WWP1: variants seen among roughly 807,000 people sequenced by gnomAD.
WWP1 encodes NEDD4-like E3 ubiquitin-protein ligase WWP1.
A neutral mutation model predicts 130.6 loss-of-function variants in WWP1; 49 were observed. The observed-to-expected ratio is 0.38, with a 90% CI of 0.30 to 0.48. The LOEUF (loss-of-function observed/expected upper bound fraction) is 0.48, where lower values mean the gene tolerates loss of function less well. Among genes scored for constraint, WWP1 ranks in the 20% least tolerant of loss-of-function variants. The pLI is 0.99. For missense variants in WWP1, 809 were observed against 1,100.6 expected (o/e 0.74, Z 3.75); for synonymous variants, 332 against 367.8 (o/e 0.90, Z 1.11).
intron 5 of WWP1, among the ~76,000 whole-genome samples, chr8:86,392,900 TC>T (rs1214121591): frequency 6.6e-6 from 1 of 152,214 alleles, no homozygotes; most frequent in Non-Finnish European, 1.5e-5. Context: ...TGAAAAGTTT[TC>T]TGGAAGTTCA....
rs112794842 is a variant in WWP1 at position 86,396,342 on chromosome 8, G to A, written c.335-2000G>A. Among the ~76,000 whole-genome samples the A allele has an allele frequency of 9.9e-3, 1,507 of 152,056 alleles. 11 individuals are homozygous for A. Among genetic ancestry groups the A allele is most frequent in the Non-Finnish European group, 0.014 (944 of 67,942 alleles). ...TCTTGATCTCCAGATCTTGTGATCC[G>A]CCCGCCTCGGCCTCCCAAAGTGCTG... On this transcript the variant is annotated intron_variant, in intron 5 of 24. Transcript: ENST00000517970.
chr8:86,423,922 T>C (rs79954210), intron 9 of WWP1, among the ~76,000 whole-genome samples: 20 of 108,460 alleles, frequency 1.8e-4, no homozygotes, highest in African/African-American at 5.0e-4. Flanking sequence ...CCCTCCCAGA[T>C]GGGGCGGCTG....
intron 16 of WWP1, among the ~76,000 whole-genome samples, chr8:86,436,173 G>A (rs930586189): frequency 6.6e-6 from 1 of 152,176 alleles, no homozygotes; most frequent in Non-Finnish European, 1.5e-5. Flanking sequence ...GAGACTGAGA[G>A]ACATATCATG....
chr8:86,346,797 A>T (rs1303452401), intron 1 of WWP1, among the ~76,000 whole-genome samples: 1 of 152,240 alleles, frequency 6.6e-6, no homozygotes, highest in Non-Finnish European at 1.5e-5. Flanking sequence ...TATCCAAGGA[A>T]CTAGTTACTA....
chr8:86,398,390 G>T lies in WWP1; in HGVS notation c.383G>T (p.Gly128Val). The T allele has an allele frequency of 6.2e-7, 1 of 1,610,542 alleles. No individual in the cohort carries two copies. Among genetic ancestry groups the T allele is most frequent in the Non-Finnish European group, 8.5e-7 (1 of 1,177,916 alleles). Residue 128 changes from glycine to valine, a missense_variant, in exon 6 of 25, where the codon GGC (glycine) becomes GTC (valine). Physicochemically the swap from Gly to Val is moderately radical, Grantham distance 109 (BLOSUM62 -3). This residue lies in a region of WWP1 where 262 missense variants were observed against 346.0 expected (regional missense o/e 0.76). Coordinates refer to ENST00000517970, the MANE Select transcript of WWP1 (RefSeq NM_007013.4). Reference protein sequence around the residue: ...QLKLSLENKNGIAQTGELTVV... With the variant: ...QLKLSLENKNVIAQTGELTVV... ...AAACTTTCCTTGGAAAACAAGAATG[G>T]CATAGCACAAACTGGTGAATTGACA...
chr8:86,401,681 A>G (rs1807988009), intron 7 of WWP1, among the ~76,000 whole-genome samples: 1 of 152,160 alleles, frequency 6.6e-6, no homozygotes, highest in Non-Finnish European at 1.5e-5. Flanking sequence ...AATATTTAAA[A>G]TGTACAATTT....
chr8:86,377,318 G>A (rs780817543), intron 3 of WWP1, among the ~76,000 whole-genome samples: 3 of 149,542 alleles, frequency 2.0e-5, no homozygotes, highest in Non-Finnish European at 3.0e-5. Flanking sequence ...GGCTGGTCTC[G>A]AACTCCTGAC....
At chr8:86,391,452 A>T (rs1270771498) in intron 5 of WWP1, among the ~76,000 whole-genome samples, 2 of 152,150 alleles carry the variant, frequency 1.3e-5, no homozygotes, top group Non-Finnish European at 2.9e-5. Context: ...CCAGTGTGAG[A>T]TACTGATATC....
chr8:86,431,708 A>G lies in WWP1; in HGVS notation c.1566A>G (p.Thr522=). The change falls in exon 14 of 25, where the codon ACA becomes ACG. Residue 522 remains threonine, a synonymous_variant. Transcript: ENST00000517970. Reference sequence around the variant, plus strand: ...TTGTTGATCATAACACAAGAACAACAACATTCAAAGATCCTCGCAATGGGA... The same window carrying G: ...TTGTTGATCATAACACAAGAACAACGACATTCAAAGATCCTCGCAATGGGA... ...RYFVDHNTRT[T]TFKDPRNGKS... The G allele has an allele frequency of 6.2e-7, 1 of 1,613,998 alleles. No individual in the cohort carries two copies. The highest frequency in any genetic ancestry group is 8.5e-7 in the Non-Finnish European group (1 of 1,179,930).
intron 14 of WWP1, among the ~76,000 whole-genome samples, chr8:86,432,942 A>G (rs887753973): frequency 6.6e-5 from 10 of 152,168 alleles, no homozygotes; most frequent in Admixed American, 2.0e-4. Flanking sequence ...TTTACAGGAA[A>G]GCTACTTGCA....
At chr8:86,430,547 G>A (rs1809880840) in intron 11 of WWP1, 150 bp from the exon 12 acceptor site, 1 of 417,316 alleles carries the variant, frequency 2.4e-6, no homozygotes. Context: ...AAGGTGCTGA[G>A]ATTACAGGCA....
intron 1 of WWP1, among the ~76,000 whole-genome samples, chr8:86,358,380 C>G (rs925579004): frequency 1.3e-5 from 2 of 152,092 alleles, no homozygotes; most frequent in Admixed American, 6.6e-5. Flanking sequence ...CCTAACCACT[C>G]TAGCCATCTT....
At chr8:86,421,919 A>G (rs566272414) in intron 9 of WWP1, among the ~76,000 whole-genome samples, 1 of 152,262 alleles carries the variant, frequency 6.6e-6, no homozygotes, top group Admixed American at 6.5e-5. Context: ...GCAGATGGGG[A>G]AGGGAGGTAG....
chr8:86,392,523 T>C (rs1807407553), intron 5 of WWP1, among the ~76,000 whole-genome samples: 1 of 152,198 alleles, frequency 6.6e-6, no homozygotes, highest in African/African-American at 2.4e-5. Flanking sequence ...TTGAAATCCA[T>C]TAAGTTCAAT....
At chr8:86,422,379 T>C (rs1336712229) in intron 9 of WWP1, among the ~76,000 whole-genome samples, 1 of 151,596 alleles carries the variant, frequency 6.6e-6, no homozygotes, top group Non-Finnish European at 1.5e-5. Context: ...TTTTATATTT[T>C]TAAGACAGAG....
chr8:86,444,488 G>A (rs1337387507), intron 18 of WWP1, among the ~76,000 whole-genome samples: 1 of 152,168 alleles, frequency 6.6e-6, no homozygotes, highest in African/African-American at 2.4e-5. Flanking sequence ...GAGTATGGAT[G>A]AAGAAGTTGT....
At chr8:86,374,186 G>C (rs2130315308) in intron 3 of WWP1, 66 bp downstream of exon 3, 1 of 1,269,454 alleles carries the variant, frequency 7.9e-7, no homozygotes, top group East Asian at 2.4e-5. Context: ...ACCTAATTCA[G>C]CAGACTTATT....
intron 10 of WWP1, among the ~76,000 whole-genome samples, chr8:86,425,772 TAGA>T (rs757777503): frequency 2.6e-5 from 4 of 152,346 alleles, no homozygotes; most frequent in African/African-American, 4.8e-5. Flanking sequence ...CCTAAAATTG[TAGA>T]AGGTTTTAAA....
chr8:86,373,409 T>G (rs1421446573), intron 2 of WWP1, among the ~76,000 whole-genome samples: 1 of 152,280 alleles, frequency 6.6e-6, no homozygotes, highest in East Asian at 1.9e-4. Flanking sequence ...TTGGGATGTG[T>G]TGAAATCACC....
Sources: gnomAD v4.1 joint callset for allele counts (sites outside exome capture counted in the v4.1 genomes callset) on GRCh38, gnomAD v4.1.1 for gene constraint, gnomAD v4.1.1 regional missense constraint, MANE v1.5 for transcripts, NCBI Gene and HGNC (gene_info 2026-07-23, HGNC 2026-07-21) for gene names.